Variants in TMEM59 observed in about 807,000 individuals in gnomAD.
TMEM59 encodes dendritic cell factor 1.
TMEM59 carries 44 observed loss-of-function variants against 42.2 expected under a neutral mutation model. The ratio of observed to expected loss-of-function variants is 1.04; its 90% CI spans 0.82 to 1.34. The LOEUF is 1.34. Among genes scored for constraint, TMEM59 ranks in the 40% most tolerant of loss-of-function variants. The pLI is 0.00. For missense variants in TMEM59, 359 were observed against 382.8 expected, an observed-to-expected ratio of 0.94 and a Z score of 0.52; for synonymous variants, 148 against 145.8, an observed-to-expected ratio of 1.02 and a Z score of -0.11.
At chr1:54,039,453 C>G (rs1353803002) in intron 6 of TMEM59, among the ~76,000 whole-genome samples, 1 of 152,086 alleles carries the variant, frequency 6.6e-6, no homozygotes, top group Non-Finnish European at 1.5e-5. Flanking sequence ...GAAAAACTGC[C>G]CTTTTTTGGA....
chr1:54,049,086 T>C (rs1657441956), intron 1 of TMEM59, among the ~76,000 whole-genome samples: 1 of 152,238 alleles, frequency 6.6e-6, no homozygotes, highest in Non-Finnish European at 1.5e-5. Flanking sequence ...TATGCTTTCC[T>C]TTAATAAGTC....
In TMEM59 at chr1:54,048,168, C is replaced by G. The variant is rs183461132; in HGVS notation, c.190-796G>C. ...CAAGGGCCTGATAAAGTAAGGTATA[C>G]ATCTATAAAAATGTTTATATGAAGG... On this transcript the variant is annotated intron_variant, in intron 1 of 7. Coordinates refer to ENST00000234831, the MANE Select transcript of TMEM59 (RefSeq NM_004872.5). Among the ~76,000 whole-genome samples the G allele has an allele frequency of 1.8e-3, 271 of 152,198 alleles. 4 individuals are homozygous for G. In the East Asian group the frequency reaches 0.044, roughly 24 times the overall value.
At chr1:54,032,840 A>G (rs1656808759) in intron 7 of TMEM59, among the ~76,000 whole-genome samples, 1 of 152,242 alleles carries the variant, frequency 6.6e-6, no homozygotes, top group Non-Finnish European at 1.5e-5. Flanking sequence ...TGCAAATGTC[A>G]TAAAACTCAT....
intron 1 of TMEM59, among the ~76,000 whole-genome samples, chr1:54,050,832 G>T (rs542055595): frequency 4.0e-4 from 60 of 150,846 alleles, no homozygotes; most frequent in Non-Finnish European, 7.4e-4. Context: ...AAAGTGCTGG[G>T]ATTACAGGAG....
chr1:54,053,350 C>T, upstream of TMEM59: 1 of 774,958 alleles, frequency 1.3e-6, no homozygotes, highest in South Asian at 1.8e-5. Flanking sequence ...CCGCCTCCTG[C>T]CTCACCTCTG....
At chr1:54,051,356 C>G (rs1285217501) in intron 1 of TMEM59, among the ~76,000 whole-genome samples, 3 of 152,194 alleles carry the variant, frequency 2.0e-5, no homozygotes, top group Non-Finnish European at 4.4e-5. Context: ...AATCTCCCAT[C>G]ACTCTGGCTA....
Position 54,027,975 on chromosome 1 carries a change from A to C in TMEM59, c.*4175T>G, listed in dbSNP as rs1557669342. ...CCCCCACCCTAGACTCTAGTGTAGA[A>C]CAAGTAGTCAAGGAAAGAGAGATTA... On this transcript the variant is annotated 3_prime_UTR_variant, in exon 8 of 8. Coordinates refer to ENST00000234831, the MANE Select transcript of TMEM59 (RefSeq NM_004872.5). 1 of 152,048 alleles carries C rather than the reference A, an allele frequency of 6.6e-6. No homozygotes were observed. Among genetic ancestry groups the C allele is most frequent in the Non-Finnish European group, 1.5e-5 (1 of 68,008 alleles). 9.4% of individuals were successfully genotyped at this position (152,048 alleles called of 1,614,324 possible).
rs1331672752 is a variant in TMEM59 at position 54,045,730 on chromosome 1, G to A, written c.352C>T (p.Gln118Ter). The change falls in exon 3 of 8, where the codon CAG (glutamine) becomes TAG (stop). Residue 118 changes from glutamine (Q) to a stop codon, truncating the protein, a stop_gained. Coordinates refer to ENST00000234831, the MANE Select transcript of TMEM59 (RefSeq NM_004872.5). LOFTEE classifies it high-confidence loss of function. ...DEQYACHLGC[Q>*]NQLPFAELRQ... is the part of the protein sequence containing the mutation. ...AGTTCAGCGAATGGCAGCTGATTCT[G>A]GCAACCAAGATGGCAAGCATATTGC... The A allele has an allele frequency of 1.2e-6, 2 of 1,614,068 alleles. No individual in the cohort carries two copies. The highest frequency in any genetic ancestry group is 2.2e-5 in the East Asian group (1 of 44,868).
rs1472569774 is a variant in TMEM59 at position 54,052,780 on chromosome 1, G to T, written c.189+220C>A. 2.0e-5 allele frequency among the ~76,000 whole-genome samples: 3 copies of T among 152,142 alleles called. No homozygotes were observed. In the East Asian group the frequency reaches 5.8e-4, roughly 29 times the overall value. ...GGGATCGCGTCTTTCTCATCTTTGT[G>T]TCCCCCAGCCTATCACAGGGTAGTG... On this transcript the variant is annotated intron_variant, in intron 1 of 7. Transcript: ENST00000234831.
At chr1:54,052,751 G>A (rs1471809160) in intron 1 of TMEM59, among the ~76,000 whole-genome samples, 1 of 152,182 alleles carries the variant, frequency 6.6e-6, no homozygotes, top group Non-Finnish European at 1.5e-5. Context: ...GCTCCCAGAG[G>A]AAAGGGATCG....
rs1557679002 is a variant in TMEM59, at chr1:54,045,735, C to T, written c.347G>A (p.Gly116Asp). The T allele has an allele frequency of 6.2e-7, 1 of 1,613,944 alleles. No homozygotes were observed. Among genetic ancestry groups the T allele is most frequent in the East Asian group, 2.2e-5 (1 of 44,860 alleles). Residue 116 changes from glycine (G) to aspartate (D), a missense_variant, in exon 3 of 8, where the codon GGT becomes GAT. By Grantham distance (94) the Gly-to-Asp change is moderately conservative. Coordinates refer to ENST00000234831, the MANE Select transcript of TMEM59 (RefSeq NM_004872.5). ...QSDEQYACHL[G>D]CQNQLPFAEL... The stretch of plus-strand genomic sequence containing the variant: ...AGCGAATGGCAGCTGATTCTGGCAA[C>T]CAAGATGGCAAGCATATTGCTCATC...
At chr1:54,045,261 G>A (rs1037359392) in intron 3 of TMEM59, among the ~76,000 whole-genome samples, 1 of 152,190 alleles carries the variant, frequency 6.6e-6, no homozygotes, top group South Asian at 2.1e-4. Flanking sequence ...TCTGGACACA[G>A]CAAAGGATGG....
At chr1:54,036,831 T>C (rs1474520670) in intron 6 of TMEM59, 113 bp from the exon 7 acceptor site, 4 of 597,918 alleles carry the variant, frequency 6.7e-6, no homozygotes, top group Non-Finnish European at 1.1e-5. Context: ...ACTTTGTTGG[T>C]TATCTTTGAA....
rs1324614901 is a variant in TMEM59 at position 54,028,154 on chromosome 1, T to G, written c.*3996A>C. The G allele has an allele frequency of 2.0e-5, 3 of 152,200 alleles. No individual in the cohort carries two copies. The highest frequency in any genetic ancestry group is 7.2e-5 in the African/African-American group (3 of 41,454). 9.4% of individuals were successfully genotyped at this position (152,200 alleles called of 1,614,324 possible). On this transcript the variant is annotated 3_prime_UTR_variant, in exon 8 of 8. Coordinates refer to ENST00000234831, the MANE Select transcript of TMEM59 (RefSeq NM_004872.5). ...ATGGTGATAAGAAACCAGGGATCCATGGGGCAGCCTTCCCAGTTTGCTCAA... is the reference window on the plus strand; with the variant it reads ...ATGGTGATAAGAAACCAGGGATCCAGGGGGCAGCCTTCCCAGTTTGCTCAA...
At chr1:54,040,666 G>A in intron 6 of TMEM59, 90 bp downstream of exon 6, 1 of 953,468 alleles carries the variant, frequency 1.0e-6, no homozygotes, top group South Asian at 1.6e-5. Context: ...TACTTTTGAG[G>A]TGCTAATTTT....
intron 7 of TMEM59, among the ~76,000 whole-genome samples, chr1:54,035,354 A>T (rs1220446247): frequency 6.6e-6 from 1 of 152,210 alleles, no homozygotes; most frequent in African/African-American, 2.4e-5. Context: ...GGCATAAGAA[A>T]ACTAAAGTTT....
intron 1 of TMEM59, chr1:54,048,063 T>G (rs1657403609): frequency 6.6e-6 from 1 of 152,274 alleles, no homozygotes; most frequent in South Asian, 2.1e-4. Context: ...ATGGCATACT[T>G]CTGCCACATC....
In TMEM59 at chr1:54,043,497, AG is replaced by A; in HGVS notation, c.418del (p.Leu140TyrfsTer5). ...QLMSLMPKMH[L>X]LFPLTLVRSF... ...CCTCACCAGAGTTAGAGGAAAGAGTAGGTGCATTTTTGGCATCAGGGACATA... is the reference window on the plus strand; with the variant it reads ...CCTCACCAGAGTTAGAGGAAAGAGTAGTGCATTTTTGGCATCAGGGACATA... On this transcript the variant is annotated frameshift_variant, in exon 4 of 8. Coordinates refer to ENST00000234831, the MANE Select transcript of TMEM59 (RefSeq NM_004872.5). LOFTEE classifies it high-confidence loss of function. The A allele has an allele frequency of 6.6e-7, 1 of 1,525,562 alleles. No homozygotes were observed. Among genetic ancestry groups the A allele is most frequent in the Non-Finnish European group, 8.8e-7 (1 of 1,136,182 alleles). The allele number at this position is 1,525,562 out of a possible 1,614,324, so 94.5% of individuals were successfully genotyped here.
chr1:54,052,934 T>A (rs1657608699), intron 1 of TMEM59, 66 bp downstream of exon 1: 1 of 1,535,302 alleles, frequency 6.5e-7, no homozygotes, highest in African/African-American at 1.4e-5. Flanking sequence ...AGAGCCGACA[T>A]ACGTGTGGGG....
Sources: gnomAD v4.1 joint callset for allele counts (sites outside exome capture counted in the v4.1 genomes callset) on GRCh38, gnomAD v4.1.1 for gene constraint, MANE v1.5 for transcripts, NCBI Gene and HGNC (gene_info 2026-07-23, HGNC 2026-07-21) for gene names.